Variants in WDPCP observed in about 807,000 individuals in gnomAD.
WDPCP encodes the protein WD repeat containing planar cell polarity effector, also known as WD repeat-containing and planar cell polarity effector protein fritz homolog.
In WDPCP, 71 loss-of-function variants were observed where a neutral mutation model predicts 93.1. The observed-to-expected ratio is 0.76, with a 90% CI of 0.63 to 0.93. The LOEUF is 0.93. WDPCP is among the 40% of genes least tolerant of loss of function. WDPCP has a pLI of 0.00. For synonymous variants in WDPCP, 315 were observed against 315.0 expected (o/e 1.00, Z 0.00); for missense variants, 844 against 887.4 (o/e 0.95, Z 0.62).
At chr2:63,675,389 T>G (rs1360672333) in intron 2 of WDPCP, among the ~76,000 whole-genome samples, 3 of 152,192 alleles carry the variant, frequency 2.0e-5, no homozygotes, top group African/African-American at 7.2e-5. Context: ...TTTATTTAAG[T>G]CCAGGTGGGT....
intron 14 of WDPCP, among the ~76,000 whole-genome samples, chr2:63,235,715 A>T (rs1679329092): frequency 6.6e-6 from 1 of 152,186 alleles, no homozygotes; most frequent in Non-Finnish European, 1.5e-5. Flanking sequence ...AATAAATGTG[A>T]TTCACCACAT....
chr2:63,757,516 G>A (rs1019782796), intron 2 of WDPCP, among the ~76,000 whole-genome samples: 4 of 152,188 alleles, frequency 2.6e-5, no homozygotes, highest in East Asian at 3.9e-4. Context: ...TGACCTTGAT[G>A]CTATGCTTGC....
chr2:63,674,807 C>T (rs147953912), intron 2 of WDPCP, among the ~76,000 whole-genome samples: 90 of 151,964 alleles, frequency 5.9e-4, no homozygotes, highest in Admixed American at 2.3e-3. Context: ...TCTTTGATGA[C>T]GGAAAATACT....
chr2:63,588,779 G>C, upstream of WDPCP: 1 of 548,356 alleles, frequency 1.8e-6, no homozygotes, highest in African/African-American at 1.9e-5. Context: ...GGACTACTTT[G>C]CAATCGGCGC....
rs576115689 is a variant in WDPCP, at chr2:63,294,821, T to G, written c.1812+18427A>C. On this transcript the variant is annotated intron_variant, in intron 13 of 17. Transcript: ENST00000272321. ...AATGGTTCAAAATTCCACCTTTTGC[T>G]CTCTATACAAATTAAGATACTAATT... Among the ~76,000 whole-genome samples, 10 of 152,276 alleles carry G rather than the reference T, an allele frequency of 6.6e-5. 1 individual carries two copies. In the South Asian group the frequency reaches 2.1e-3, roughly 32 times the overall value.
chr2:63,832,993 C>T, the WDPCP span, among the ~76,000 whole-genome samples: 1 of 152,200 alleles, frequency 6.6e-6, no homozygotes, highest in Non-Finnish European at 1.5e-5. Flanking sequence ...TGGCTCCCAC[C>T]TGTAATCCCA....
chr2:63,815,061 G>C (rs1670911524), intron 1 of WDPCP, among the ~76,000 whole-genome samples: 1 of 152,080 alleles, frequency 6.6e-6, no homozygotes, highest in Non-Finnish European at 1.5e-5. Context: ...AAAGACTGGA[G>C]TGGTAATGAC....
At chr2:63,306,223 AG>A (rs1228735387) in intron 13 of WDPCP, among the ~76,000 whole-genome samples, 1 of 152,156 alleles carries the variant, frequency 6.6e-6, no homozygotes, top group Non-Finnish European at 1.5e-5. Context: ...ACCAATAACA[AG>A]TTCTGAAATT....
intron 13 of WDPCP, among the ~76,000 whole-genome samples, chr2:63,280,356 G>A (rs1333808688): frequency 6.6e-6 from 1 of 152,160 alleles, no homozygotes; most frequent in Non-Finnish European, 1.5e-5. Flanking sequence ...CAGATCTTGT[G>A]AGACTTATTC....
chr2:63,714,517 A>G (rs915905509), intron 2 of WDPCP, among the ~76,000 whole-genome samples: 9 of 152,216 alleles, frequency 5.9e-5, no homozygotes, highest in African/African-American at 9.6e-5. Flanking sequence ...TAAAACATAA[A>G]ATTACCATAC....
chr2:63,662,661 G>GAGAGAGAT (rs1710238616), intron 2 of WDPCP, among the ~76,000 whole-genome samples: 1 of 147,524 alleles, frequency 6.8e-6, no homozygotes. Flanking sequence ...GAGAGAGAGA[G>GAGAGAGAT]AGAGAGCTTA....
chr2:63,469,419 T>G (rs1471323134), intron 6 of WDPCP, among the ~76,000 whole-genome samples: 1 of 152,230 alleles, frequency 6.6e-6, no homozygotes, highest in African/African-American at 2.4e-5. Context: ...GCAGCACTAT[T>G]CACAATAGCA....
intron 1 of WDPCP, among the ~76,000 whole-genome samples, chr2:63,527,655 T>C (rs1016249099): frequency 6.6e-5 from 10 of 152,100 alleles, no homozygotes; most frequent in Non-Finnish European, 8.8e-5. Flanking sequence ...GTCTTCACTA[T>C]TGTGAATAGT....
At chr2:63,462,051 A>G (rs3980466) in intron 6 of WDPCP, among the ~76,000 whole-genome samples, 123,935 of 152,212 alleles carry the variant, frequency 0.81, 51,252 homozygotes, top group East Asian at 0.98. Flanking sequence ...ACATGCACAC[A>G]TATGTTTACT....
chr2:63,140,324 A>T (rs1446552687), intron 17 of WDPCP, among the ~76,000 whole-genome samples: 1 of 151,804 alleles, frequency 6.6e-6, no homozygotes, highest in Non-Finnish European at 1.5e-5. Context: ...TGAATTTTAG[A>T]ATTGTTTTTT....
intron 17 of WDPCP, among the ~76,000 whole-genome samples, chr2:63,147,603 A>G (rs533112342): frequency 6.6e-6 from 1 of 152,284 alleles, no homozygotes; most frequent in African/African-American, 2.4e-5. Flanking sequence ...AACATTCACG[A>G]TAGAATTCCA....
At chr2:63,227,727 A>ATGAT (rs1678411774) in intron 14 of WDPCP, among the ~76,000 whole-genome samples, 1 of 152,098 alleles carries the variant, frequency 6.6e-6, no homozygotes, top group Admixed American at 6.6e-5. Flanking sequence ...AATATGAAAT[A>ATGAT]TGATAGTAAT....
upstream of WDPCP, chr2:63,589,101 G>A (rs1161244148): frequency 8.1e-6 from 13 of 1,614,016 alleles, no homozygotes; most frequent in African/African-American, 2.7e-5. Context: ...CCTTGAGTGG[G>A]GTTTCTTGCA....
intron 6 of WDPCP, among the ~76,000 whole-genome samples, chr2:63,469,675 C>T (rs1168116011): frequency 6.6e-6 from 1 of 152,028 alleles, no homozygotes; most frequent in Admixed American, 6.6e-5. Flanking sequence ...AAGAAGGGAA[C>T]AATAGACACT....
Sources: allele counts gnomAD v4.1 joint callset (sites outside exome capture counted in the v4.1 genomes callset), GRCh38; gene constraint gnomAD v4.1.1; transcripts MANE v1.5; gene names NCBI Gene and HGNC (gene_info 2026-07-23, HGNC 2026-07-21).